ZYG11B: variants seen among roughly 807,000 people sequenced by gnomAD.
ZYG11B encodes protein zyg-11 homolog B.
In ZYG11B, 36 loss-of-function variants were observed where a neutral mutation model predicts 82.4. The ratio of observed to expected loss-of-function variants is 0.44; its 90% confidence interval spans 0.33 to 0.58. The LOEUF (loss-of-function observed/expected upper bound fraction) is 0.58, where lower values mean the gene tolerates loss of function less well. Among genes scored for constraint, ZYG11B ranks in the 20% least tolerant of loss-of-function variants. The pLI, the probability that ZYG11B is intolerant of heterozygous loss-of-function variation, is 0.02. For missense variants in ZYG11B, 552 were observed against 895.6 expected, an observed-to-expected ratio of 0.62 and a Z score of 4.90; for synonymous variants, 303 against 312.8, an observed-to-expected ratio of 0.97 and a Z score of 0.33.
chr1:52,796,627 G>C (rs1645008291), intron 7 of ZYG11B, 107 bp from the exon 8 acceptor site: 3 of 1,043,248 alleles, frequency 2.9e-6, no homozygotes, highest in Admixed American at 2.5e-5. Flanking sequence ...AGAATTCCAA[G>C]TTGATCAGAG....
At chr1:52,796,063 A>G (rs1043044151) in intron 6 of ZYG11B, among the ~76,000 whole-genome samples, 2 of 152,356 alleles carry the variant, frequency 1.3e-5, no homozygotes, top group South Asian at 2.1e-4. Context: ...AATGCCAAAT[A>G]GTTGGAATGA....
At chr1:52,732,734 C>T (rs187997393) in intron 1 of ZYG11B, among the ~76,000 whole-genome samples, 105 of 151,838 alleles carry the variant, frequency 6.9e-4, no homozygotes, top group Admixed American at 5.9e-3. Flanking sequence ...CACTGCACTC[C>T]AGCCTGGCGA....
chr1:52,739,072 C>T (rs1457834497), intron 1 of ZYG11B, among the ~76,000 whole-genome samples: 1 of 148,152 alleles, frequency 6.7e-6, no homozygotes, highest in Non-Finnish European at 1.5e-5. Flanking sequence ...ACCTCCACCT[C>T]CGCCTCCCGG....
chr1:52,797,104 GTATATATTTATATATTATATAT>G (rs1174400484), intron 8 of ZYG11B, among the ~76,000 whole-genome samples: 534 of 45,938 alleles, frequency 0.012, 13 homozygotes, highest in African/African-American at 0.093. Flanking sequence ...ATTACATATT[GTATATATTTATATATTATATAT>G]TATATATTTA....
chr1:52,771,790 T>C lies in ZYG11B; in HGVS notation c.951+16T>C, dbSNP rs539778661. ...ACATTTGAAGGTTAGACTTTAAAAATGTATTATTTTGTCAGGCTGACCAAT... is the reference window on the plus strand; with the variant it reads ...ACATTTGAAGGTTAGACTTTAAAAACGTATTATTTTGTCAGGCTGACCAAT... On this transcript the variant is annotated intron_variant, in intron 3 of 13. Coordinates refer to ENST00000294353, the MANE Select transcript of ZYG11B (RefSeq NM_024646.3). This position sits in a 1 kb window ranked among gnomAD's most constrained non-coding sequence, Gnocchi z 5.4. 98 of 1,588,882 alleles carry C rather than the reference T, an allele frequency of 6.2e-5. 2 individuals are homozygous for C. In the East Asian group the frequency reaches 2.2e-3, roughly 35 times the overall value.
At chr1:52,755,601 A>G (rs1344280053) in intron 1 of ZYG11B, among the ~76,000 whole-genome samples, 3 of 152,050 alleles carry the variant, frequency 2.0e-5, no homozygotes, top group African/African-American at 7.2e-5. Context: ...TCCCAGGTTC[A>G]AGCAGTTCTC....
At chr1:52,731,308 C>G (rs1241910560) in intron 1 of ZYG11B, among the ~76,000 whole-genome samples, 1 of 150,578 alleles carries the variant, frequency 6.6e-6, no homozygotes, top group African/African-American at 2.4e-5. Context: ...AGAGTCCAGA[C>G]AGAAGGAGCA....
chr1:52,756,433 T>A (rs1179202099), intron 1 of ZYG11B, 25 bp from the exon 2 acceptor site: 1 of 1,592,356 alleles, frequency 6.3e-7, no homozygotes, highest in African/African-American at 1.4e-5. Context: ...TTGTGTTTCT[T>A]TTATATTTTT....
intron 2 of ZYG11B, among the ~76,000 whole-genome samples, chr1:52,763,423 A>C (rs1168819785): frequency 6.6e-6 from 1 of 152,000 alleles, no homozygotes; most frequent in East Asian, 1.9e-4. Flanking sequence ...ATTATTTTTT[A>C]TTTTAAGAGG....
intron 10 of ZYG11B, chr1:52,805,653 G>A: frequency 3.2e-6 from 1 of 314,340 alleles, no homozygotes; most frequent in Non-Finnish European, 6.3e-6. Flanking sequence ...CCAACATGGT[G>A]AAACCCCGTT....
At chr1:52,773,613 ATATATATATATATATTTTTTTTTTTTTTT>A (rs1644774640) in intron 3 of ZYG11B, among the ~76,000 whole-genome samples, 1 of 19,256 alleles carries the variant, frequency 5.2e-5, no homozygotes, top group Non-Finnish European at 1.2e-4. Context: ...ATATATATAT[ATATATATATATATATTTTTTTTTTTTTTT>A]TTTTTTTTTT....
intron 5 of ZYG11B, among the ~76,000 whole-genome samples, chr1:52,787,487 T>C (rs1380436530): frequency 6.6e-6 from 1 of 152,210 alleles, no homozygotes; most frequent in Non-Finnish European, 1.5e-5. Context: ...AATAGTACTA[T>C]TGGTAATAGA....
At chr1:52,763,133 C>T (rs1644649117) in intron 2 of ZYG11B, among the ~76,000 whole-genome samples, 1 of 152,004 alleles carries the variant, frequency 6.6e-6, no homozygotes, top group African/African-American at 2.4e-5. Flanking sequence ...TAGGGTTTCT[C>T]TTCTGTTTCT....
chr1:52,816,664 C>G (rs762344406), intron 13 of ZYG11B, 35 bp downstream of exon 13: 1 of 1,438,754 alleles, frequency 7.0e-7, no homozygotes, highest in Admixed American at 1.9e-5. Context: ...TGTTTTTTTT[C>G]TTTAAGTGAA....
chr1:52,793,903 T>TTCCTTCCTTCCTTCCTTCCTTCCTTC (rs1438686036), intron 6 of ZYG11B, among the ~76,000 whole-genome samples: 4 of 92,054 alleles, frequency 4.3e-5, no homozygotes, highest in East Asian at 6.0e-4. Flanking sequence ...TTCCTTCCTT[T>TTCCTTCCTTCCTTCCTTCCTTCCTTC]CTTTCCTTTC....
intron 3 of ZYG11B, among the ~76,000 whole-genome samples, chr1:52,778,112 T>G (rs1644824153): frequency 6.6e-6 from 1 of 152,206 alleles, no homozygotes. Flanking sequence ...TTCTTTATAA[T>G]TTTATGACCC....
intron 1 of ZYG11B, among the ~76,000 whole-genome samples, chr1:52,756,164 C>T (rs1331958279): frequency 1.3e-5 from 2 of 152,182 alleles, no homozygotes; most frequent in Middle Eastern, 3.2e-3. Context: ...GTCTTCCGCT[C>T]ACCATCCCTG....
At chr1:52,808,877 C>T (rs1233650259) in intron 10 of ZYG11B, among the ~76,000 whole-genome samples, 2 of 152,116 alleles carry the variant, frequency 1.3e-5, no homozygotes, top group Non-Finnish European at 2.9e-5. Flanking sequence ...AATATCTAAT[C>T]TGCTACAATG....
At chr1:52,736,432 C>G (rs977080831) in intron 1 of ZYG11B, among the ~76,000 whole-genome samples, 3 of 151,786 alleles carry the variant, frequency 2.0e-5, no homozygotes, top group African/African-American at 7.3e-5. Flanking sequence ...ACTACCATGC[C>G]CAGCTAATTT....
Sources: allele counts gnomAD v4.1 joint callset (sites outside exome capture counted in the v4.1 genomes callset), GRCh38; gene constraint gnomAD v4.1.1; non-coding constraint Gnocchi (gnomAD v3.1); transcripts MANE v1.5; gene names NCBI Gene and HGNC (gene_info 2026-07-23, HGNC 2026-07-21).